CCDC187: variants seen among roughly 807,000 people sequenced by gnomAD.
The protein encoded by CCDC187 is coiled-coil domain containing 187, also known as coiled-coil domain-containing protein 187.
A neutral mutation model predicts 38.0 loss-of-function variants in CCDC187; 32 were observed. The observed-to-expected ratio is 0.84, with a 90% CI of 0.64 to 1.13. The LOEUF is 1.13. Ranked by LOEUF, CCDC187 falls within the 50% of genes most tolerant of loss-of-function variation. The pLI, the probability that CCDC187 is intolerant of heterozygous loss-of-function variation, is 0.00. For synonymous variants in CCDC187, 333 were observed against 347.9 expected (o/e 0.96, Z 0.48); for missense variants, 707 against 786.8 (o/e 0.90, Z 1.21).
chr9:136,282,802 C>T (rs937784168), intron 9 of CCDC187, among the ~76,000 whole-genome samples: 135 of 152,344 alleles, frequency 8.9e-4, no homozygotes, highest in African/African-American at 3.1e-3. Context: ...GGGAGCTGGA[C>T]GTGTGCCCAG....
chr9:136,262,649 A>C (rs1830693253), intron 18 of CCDC187, among the ~76,000 whole-genome samples, 187 bp from the exon 19 acceptor site: 1 of 152,122 alleles, frequency 6.6e-6, no homozygotes, highest in Non-Finnish European at 1.5e-5. Flanking sequence ...ACCCCCACTG[A>C]GAGGTATGGA....
upstream of CCDC187, among the ~76,000 whole-genome samples, chr9:136,304,875 G>A (rs1266163643): frequency 1.3e-5 from 2 of 152,212 alleles, no homozygotes; most frequent in African/African-American, 4.8e-5. Flanking sequence ...GAGAAGGGAG[G>A]TCTGCGCGAA....
intron 9 of CCDC187, among the ~76,000 whole-genome samples, chr9:136,283,326 C>T (rs1422514858): frequency 3.3e-5 from 5 of 152,356 alleles, no homozygotes; most frequent in Admixed American, 6.5e-5. Flanking sequence ...AGAGGCTCAG[C>T]GTGGGAAACG....
chr9:136,253,931 T>A lies in CCDC187; in HGVS notation c.5897A>T (p.Asn1966Ile), dbSNP rs1182197905. The A allele has an allele frequency of 7.9e-6, 7 of 891,500 alleles. No individual in the cohort carries two copies. The highest frequency in any genetic ancestry group is 8.1e-6 in the Non-Finnish European group (6 of 744,708). The allele number at this position is 891,500 out of a possible 1,614,324, so 55.2% of individuals were successfully genotyped here. A position where few individuals can be genotyped will look rare whatever the true frequency, so the allele number is the denominator to read the frequency against. ...TTCCTCCAGGACAGTGGGGGCCCCA[T>A]TCCCACCAGGCCCAGGCGCCCGGCT... ...AESRAPGPGG[N>I]GAPTVLEEAC... Residue 1966 changes from asparagine (N) to isoleucine (I), a missense_variant, in exon 26 of 26, where the codon AAT becomes ATT. Asn to Ile is a moderately radical substitution (Grantham distance 149). Transcript: ENST00000638797.
intron 4 of CCDC187, 124 bp from the exon 5 acceptor site, chr9:136,292,419 G>A: frequency 2.5e-6 from 1 of 396,924 alleles, no homozygotes. Flanking sequence ...GAAGGCACCG[G>A]GAGGATATCC....
rs1452942232 is a variant in CCDC187, at chr9:136,256,138, G to A, written c.4616+73C>T. 7 of 807,678 alleles carry A rather than the reference G, an allele frequency of 8.7e-6. No individual in the cohort carries two copies. In the African/African-American group the frequency reaches 1.3e-4, roughly 15 times the overall value. 50.0% of individuals were successfully genotyped at this position (807,678 alleles called of 1,614,324 possible). Reference sequence around the variant, plus strand: ...AGAGTGAGGGTCCCCACAGCAGGGGGACAGGGGGTACCGGCTGAACCCGTC... The same window carrying A: ...AGAGTGAGGGTCCCCACAGCAGGGGAACAGGGGGTACCGGCTGAACCCGTC... On this transcript the variant is annotated intron_variant, in intron 24 of 25. Coordinates refer to ENST00000638797, the MANE Select transcript of CCDC187 (RefSeq NM_001378188.1).
chr9:136,288,168 C>T (rs1831226390), intron 7 of CCDC187, among the ~76,000 whole-genome samples: 2 of 152,032 alleles, frequency 1.3e-5, no homozygotes, highest in South Asian at 2.1e-4. Flanking sequence ...CATGGCGGGG[C>T]CAGCATGGGA....
chr9:136,253,515 C>T lies in CCDC187; in HGVS notation c.*79G>A. ...GGCCACTGGCTGCCTCCGGCCTCAT[C>T]CCCTGCTGCAGAACTGCATCTACCC... On this transcript the variant is annotated 3_prime_UTR_variant, in exon 26 of 26. Coordinates refer to ENST00000638797, the MANE Select transcript of CCDC187 (RefSeq NM_001378188.1). The T allele has an allele frequency of 1.2e-6, 1 of 827,326 alleles. No individual in the cohort carries two copies. Among genetic ancestry groups the T allele is most frequent in the Non-Finnish European group, 1.5e-6 (1 of 685,544 alleles). 51.2% of individuals were successfully genotyped at this position (827,326 alleles called of 1,614,324 possible). A position where few individuals can be genotyped will look rare whatever the true frequency, so the allele number is the denominator to read the frequency against.
chr9:136,260,540 C>T (rs919078157), intron 19 of CCDC187, among the ~76,000 whole-genome samples: 8 of 151,784 alleles, frequency 5.3e-5, no homozygotes, highest in Admixed American at 1.3e-4. Context: ...GCTGGGCCCC[C>T]GAGAATCACG....
rs1462051803 is a variant in CCDC187 at position 136,250,376 on chromosome 9, C to T, written c.*3218G>A. ...TGTGACTGCAGCCGCCACCGCATTGCGCCGCACGTCAGCACCAACCACGTG... is the reference window on the plus strand; with the variant it reads ...TGTGACTGCAGCCGCCACCGCATTGTGCCGCACGTCAGCACCAACCACGTG... On this transcript the variant is annotated 3_prime_UTR_variant, in exon 26 of 26. Transcript: ENST00000638797. The T allele has an allele frequency of 8.8e-6, 2 of 227,398 alleles. No individual in the cohort carries two copies. The highest frequency in any genetic ancestry group is 1.0e-4 in the Admixed American group (2 of 19,068). 14.1% of individuals were successfully genotyped at this position (227,398 alleles called of 1,614,324 possible). A position where few individuals can be genotyped will look rare whatever the true frequency, so the allele number is the denominator to read the frequency against.
Position 136,258,931 on chromosome 9 carries a change from C to A in CCDC187, c.4366+1G>T. ...CCACGCGGTGTTTCCAGGGTGCTTA[C>A]CTGGGGGTGGCTCCTTCACCTCCCG... On this transcript the variant is annotated splice_donor_variant, in intron 22 of 25. Transcript: ENST00000638797. LOFTEE classifies it high-confidence loss of function. The surrounding 1 kb of genome is among the most constrained non-coding windows in gnomAD (Gnocchi z 4.3). The A allele has an allele frequency of 1.0e-6, 1 of 985,520 alleles. No homozygotes were observed. Among genetic ancestry groups the A allele is most frequent in the Non-Finnish European group, 1.2e-6 (1 of 830,036 alleles). 61.0% of individuals were successfully genotyped at this position (985,520 alleles called of 1,614,324 possible).
chr9:136,267,870 GA>G (rs1830775571), intron 15 of CCDC187, 178 bp downstream of exon 15: 1 of 985,468 alleles, frequency 1.0e-6, no homozygotes, highest in African/African-American at 1.7e-5. Flanking sequence ...AGGGCGGGAG[GA>G]ACGGGCTTGG....
intron 24 of CCDC187, 69 bp from the exon 25 acceptor site, chr9:136,255,802 G>C (rs1830604851): frequency 1.3e-6 from 1 of 794,628 alleles, no homozygotes; most frequent in Non-Finnish European, 1.5e-6. Flanking sequence ...AGGGCCCACT[G>C]TCAGGGACCC....
chr9:136,266,041 C>T lies in CCDC187; in HGVS notation c.3650G>A (p.Cys1217Tyr). 1.0e-6 allele frequency: 1 copy of T among 985,548 alleles called. No individual in the cohort carries two copies. Among genetic ancestry groups the T allele is most frequent in the Non-Finnish European group, 1.2e-6 (1 of 829,982 alleles). 61.1% of individuals were successfully genotyped at this position (985,548 alleles called of 1,614,324 possible). A position where few individuals can be genotyped will look rare whatever the true frequency, so the allele number is the denominator to read the frequency against. ...AGCTCTGTCCCTCTTGCTGTCCAGGCACCTGGGGGGAGGTGGCAACATCAC... is the reference window on the plus strand; with the variant it reads ...AGCTCTGTCCCTCTTGCTGTCCAGGTACCTGGGGGGAGGTGGCAACATCAC... Reference protein sequence around the residue: ...ELAWLEHRRGCLDSKRDRAVL... With the variant: ...ELAWLEHRRGYLDSKRDRAVL... The change falls in exon 17 of 26, where the codon TGC becomes TAC. Residue 1217 changes from cysteine (C) to tyrosine (Y), a missense_variant and splice_region_variant. Coordinates refer to ENST00000638797, the MANE Select transcript of CCDC187 (RefSeq NM_001378188.1).
chr9:136,288,223 G>A (rs1471234690), intron 7 of CCDC187, among the ~76,000 whole-genome samples: 1 of 152,140 alleles, frequency 6.6e-6, no homozygotes, highest in African/African-American at 2.4e-5. Flanking sequence ...TTGTCTTACT[G>A]GACATTGACA....
chr9:136,278,924 T>C (rs1358379813), intron 10 of CCDC187, among the ~76,000 whole-genome samples: 1 of 152,266 alleles, frequency 6.6e-6, no homozygotes, highest in Non-Finnish European at 1.5e-5. Context: ...ATTTCCCTCA[T>C]TGCAGAAGGT....
intron 9 of CCDC187, among the ~76,000 whole-genome samples, chr9:136,283,702 G>A (rs1233135479): frequency 6.6e-6 from 1 of 152,246 alleles, no homozygotes; most frequent in East Asian, 1.9e-4. Context: ...CACCCAGGCT[G>A]TGCCAGGAAC....
chr9:136,276,912 C>T (rs1830943336), intron 10 of CCDC187, among the ~76,000 whole-genome samples, 185 bp from the exon 11 acceptor site: 1 of 152,098 alleles, frequency 6.6e-6, no homozygotes. Context: ...TCAACTCCAT[C>T]AACAAGAGCC....
intron 14 of CCDC187, among the ~76,000 whole-genome samples, chr9:136,272,163 T>C (rs1335314660): frequency 6.6e-6 from 1 of 152,052 alleles, no homozygotes; most frequent in Non-Finnish European, 1.5e-5. Flanking sequence ...CCAGAAATGC[T>C]AAGGGAAATC....
Sources: allele counts gnomAD v4.1 joint callset (sites outside exome capture counted in the v4.1 genomes callset), GRCh38; gene constraint gnomAD v4.1.1; non-coding constraint Gnocchi (gnomAD v3.1); transcripts MANE v1.5; gene names NCBI Gene and HGNC (gene_info 2026-07-23, HGNC 2026-07-21).